ATP9B: variants seen among roughly 807,000 people sequenced by gnomAD.
ATP9B encodes probable phospholipid-transporting ATPase IIB.
ATP9B carries 110 observed loss-of-function variants against 146.1 expected under a neutral mutation model. The observed-to-expected ratio is 0.75, with a 90% CI of 0.65 to 0.88. The LOEUF is 0.88. Ranked by LOEUF, ATP9B falls within the 40% of genes least tolerant of loss-of-function variation. The pLI is 0.00. For missense variants in ATP9B, 1,499 were observed against 1,496.4 expected (o/e 1.00, Z -0.03); for synonymous variants, 604 against 569.7 (o/e 1.06, Z -0.86).
chr18:79,376,473 T>G, intron 29 of ATP9B: 2 of 882,826 alleles, frequency 2.3e-6, no homozygotes, highest in Non-Finnish European at 2.7e-6. Flanking sequence ...CACTGCAACC[T>G]CTGCCTCCTG....
intron 2 of ATP9B, among the ~76,000 whole-genome samples, chr18:79,102,246 G>C (rs534738268): frequency 2.6e-5 from 4 of 152,254 alleles, no homozygotes; most frequent in African/African-American, 9.6e-5. Flanking sequence ...CTGAATTATT[G>C]CTTTTGTTAC....
At chr18:79,289,038 G>T (rs1400494878) in intron 13 of ATP9B, among the ~76,000 whole-genome samples, 1 of 152,118 alleles carries the variant, frequency 6.6e-6, no homozygotes, top group Non-Finnish European at 1.5e-5. Context: ...CTCTCTGGCT[G>T]CCCTTAACAT....
At chr18:79,287,461 G>T (rs1253374620) in intron 13 of ATP9B, among the ~76,000 whole-genome samples, 1 of 152,138 alleles carries the variant, frequency 6.6e-6, no homozygotes, top group Admixed American at 6.5e-5. Context: ...GATCGGTGGT[G>T]ATATCCTCTA....
Position 79,337,412 on chromosome 18 carries a change from G to T in ATP9B, c.2246G>T (p.Arg749Leu), listed in dbSNP as rs1423025641. The T allele has an allele frequency of 1.2e-6, 2 of 1,613,366 alleles. No individual in the cohort carries two copies. Among genetic ancestry groups the T allele is most frequent in the Non-Finnish European group, 1.7e-6 (2 of 1,180,000 alleles). Residue 749 changes from arginine to leucine, a missense_variant, in exon 19 of 30, where the codon CGG (arginine) becomes CTG (leucine). Physicochemically the swap from Arg to Leu is moderately radical, Grantham distance 102. Coordinates refer to ENST00000426216, the MANE Select transcript of ATP9B (RefSeq NM_198531.5). ...GVEDQLQADV[R>L]PTLEMLRNAG... ...GAGGACCAGCTGCAGGCAGACGTGC[G>T]GCCCACGCTGGAGATGCTGCGCAAC...
intron 8 of ATP9B, among the ~76,000 whole-genome samples, chr18:79,192,554 A>G (rs546687385): frequency 6.6e-5 from 10 of 152,336 alleles, no homozygotes; most frequent in African/African-American, 2.4e-4. Context: ...TGTGTAGCCA[A>G]TGAATGAAGC....
rs533856467 is a variant in ATP9B, at chr18:79,110,407, C to T, written c.346C>T (p.Arg116Cys). The T allele has an allele frequency of 1.4e-5, 23 of 1,609,946 alleles. No homozygotes were observed. The South Asian group carries it at 1.5e-4, about 11-fold the overall frequency. ...ICRRKKELKA[R>C]TVWLGCPEKC... ...TCGAAGAAAGAAAGAGCTGAAAGCT[C>T]GCACAGTATGGCTTGGATGTCCTGA... The change falls in exon 3 of 30, where the codon CGC becomes TGC. Residue 116 changes from arginine (R) to cysteine (C), a missense_variant. Coordinates refer to ENST00000426216, the MANE Select transcript of ATP9B (RefSeq NM_198531.5).
intron 3 of ATP9B, among the ~76,000 whole-genome samples, chr18:79,111,663 G>A (rs1246249694): frequency 6.6e-6 from 1 of 152,168 alleles, no homozygotes; most frequent in East Asian, 1.9e-4. Context: ...AGCAGGTTCA[G>A]TCAGTAGACT....
chr18:79,095,942 A>G (rs1241731236), intron 1 of ATP9B, among the ~76,000 whole-genome samples: 1 of 152,224 alleles, frequency 6.6e-6, no homozygotes, highest in Non-Finnish European at 1.5e-5. Flanking sequence ...ATAACAGAAT[A>G]AATGGGACAT....
intron 5 of ATP9B, among the ~76,000 whole-genome samples, chr18:79,141,016 G>T (rs569789432): frequency 6.6e-6 from 1 of 152,132 alleles, no homozygotes; most frequent in Non-Finnish European, 1.5e-5. Flanking sequence ...AAGTACTGTT[G>T]TTACCTTACT....
chr18:79,350,094 C>T (rs1192169250), intron 25 of ATP9B, among the ~76,000 whole-genome samples: 1 of 152,214 alleles, frequency 6.6e-6, no homozygotes, highest in South Asian at 2.1e-4. Flanking sequence ...CTAGGCCCCC[C>T]ACCCCAAGCC....
chr18:79,321,592 A>G (rs2096716571), intron 15 of ATP9B, among the ~76,000 whole-genome samples: 2 of 152,228 alleles, frequency 1.3e-5, no homozygotes, highest in African/African-American at 2.4e-5. Context: ...ACAACAGGCA[A>G]GTTACATGAG....
intron 5 of ATP9B, among the ~76,000 whole-genome samples, chr18:79,130,181 T>C (rs1401341124): frequency 6.6e-6 from 1 of 152,176 alleles, no homozygotes; most frequent in Non-Finnish European, 1.5e-5. Flanking sequence ...AAATCAGCTG[T>C]CTTAAATGTG....
intron 2 of ATP9B, among the ~76,000 whole-genome samples, chr18:79,107,802 G>T (rs1241122430): frequency 6.6e-6 from 1 of 152,230 alleles, no homozygotes; most frequent in Admixed American, 6.5e-5. Flanking sequence ...GCCTCTGCCT[G>T]TTGTCAGCTC....
intron 7 of ATP9B, among the ~76,000 whole-genome samples, chr18:79,168,527 C>T (rs187482861): frequency 5.9e-5 from 9 of 152,244 alleles, no homozygotes; most frequent in Admixed American, 4.6e-4. Flanking sequence ...TCTTCACTCA[C>T]TTGGGAGACC....
At chr18:79,333,161 G>A (rs934283209) in intron 17 of ATP9B, among the ~76,000 whole-genome samples, 2 of 152,200 alleles carry the variant, frequency 1.3e-5, no homozygotes, top group African/African-American at 4.8e-5. Context: ...GGGGGGCCGT[G>A]ATGTGTTTCC....
intron 7 of ATP9B, among the ~76,000 whole-genome samples, chr18:79,155,802 G>A (rs1254015378): frequency 1.1e-4 from 12 of 113,616 alleles, no homozygotes; most frequent in Admixed American, 8.7e-4. Flanking sequence ...TCGCTCTGTC[G>A]CCCAGGCTGG....
intron 7 of ATP9B, among the ~76,000 whole-genome samples, chr18:79,157,560 A>C (rs1230251702): frequency 2.6e-5 from 4 of 152,120 alleles, no homozygotes; most frequent in African/African-American, 9.7e-5. Flanking sequence ...GTGAAGAATT[A>C]TTATTAATTC....
chr18:79,364,850 C>T (rs1012122471), intron 26 of ATP9B, among the ~76,000 whole-genome samples: 6 of 152,016 alleles, frequency 3.9e-5, no homozygotes, highest in Non-Finnish European at 7.4e-5. Flanking sequence ...ATAGTGAGAC[C>T]GTGTCTCTAC....
At chr18:79,164,559 C>CA (rs919892688) in intron 7 of ATP9B, among the ~76,000 whole-genome samples, 31 of 148,384 alleles carry the variant, frequency 2.1e-4, no homozygotes, top group African/African-American at 4.7e-4. Flanking sequence ...ACTAAAAATA[C>CA]AAAAAAAAAA....
Sources: gnomAD v4.1 joint callset for allele counts (sites outside exome capture counted in the v4.1 genomes callset) on GRCh38, gnomAD v4.1.1 for gene constraint, MANE v1.5 for transcripts, NCBI Gene and HGNC (gene_info 2026-07-23, HGNC 2026-07-21) for gene names.